Variants in DNAJC7 observed in about 807,000 individuals in gnomAD.
The protein encoded by DNAJC7 is DnaJ heat shock protein family (Hsp40) member C7.
In DNAJC7, 18 loss-of-function variants were observed where a neutral mutation model predicts 67.4. The ratio of observed to expected loss-of-function variants is 0.27; its 90% CI spans 0.18 to 0.40. The LOEUF (loss-of-function observed/expected upper bound fraction) is 0.40. Among genes scored for constraint, DNAJC7 ranks in the 10% least tolerant of loss-of-function variants. DNAJC7 has a pLI of 1.00. For missense variants in DNAJC7, 419 were observed against 613.8 expected, an observed-to-expected ratio of 0.68 and a Z score of 3.35; for synonymous variants, 220 against 207.8, an observed-to-expected ratio of 1.06 and a Z score of -0.50.
chr17:42,006,796 C>CAAAAA lies in DNAJC7; in HGVS notation c.78-6231_78-6227dup, dbSNP rs57155070. On this transcript the variant is annotated intron_variant, in intron 1 of 13. Transcript: ENST00000457167. Reference sequence around the variant, plus strand: ...TGGGCAACAGAGCAAGACTCCGTCTCAAAAAAAAAAAAAAAAAAAAAAGTC... The same window carrying CAAAAA: ...TGGGCAACAGAGCAAGACTCCGTCTCAAAAAAAAAAAAAAAAAAAAAAAAAAAGTC... Among the ~76,000 whole-genome samples the CAAAAA allele has an allele frequency of 5.1e-4, 12 of 23,334 alleles. 3 individuals carry two copies. The highest frequency in any genetic ancestry group is 3.4e-3 in the South Asian group (1 of 294). The allele number at this position is 23,334 out of a possible 152,430, so 15.3% of individuals were successfully genotyped here.
At position 42,009,783 on chromosome 17, in the gene DNAJC7, T is replaced by G. The variant is rs191944098; in HGVS notation, c.77+7557A>C. On this transcript the variant is annotated intron_variant, in intron 1 of 13. Coordinates refer to ENST00000457167, the MANE Select transcript of DNAJC7 (RefSeq NM_003315.4). ...TTCCATCCCTCGGTTCCCTATTCTG[T>G]GACATCTCCCACTATAGGGACACCA... Among the ~76,000 whole-genome samples the G allele has an allele frequency of 7.2e-4, 109 of 152,330 alleles. No homozygotes were observed. The East Asian group carries it at 0.015, about 21-fold the overall frequency.
chr17:41,999,445 G>T (rs2051748482), intron 2 of DNAJC7, among the ~76,000 whole-genome samples: 1 of 152,206 alleles, frequency 6.6e-6, no homozygotes, highest in South Asian at 2.1e-4. Flanking sequence ...TAAGCCTGAA[G>T]GAGTTCATAC....
chr17:41,997,181 A>C lies in DNAJC7; in HGVS notation c.225T>G (p.Leu75=). 2 of 1,613,992 alleles carry C rather than the reference A, an allele frequency of 1.2e-6. No individual in the cohort carries two copies. The highest frequency in any genetic ancestry group is 2.2e-5 in the South Asian group (2 of 91,086). Residue 75 remains leucine, a synonymous_variant, in exon 3 of 14, where the codon CTT becomes CTG. Coordinates refer to ENST00000457167, the MANE Select transcript of DNAJC7 (RefSeq NM_003315.4). ...CTCCAAGAGCTTCCCGGAACCTTCC[A>C]AGCATCATCAAGGTGGCTGCTCGAT... ...YGNRAATLMM[L]GRFREALGDA...
chr17:42,010,199 C>T (rs1173267289), intron 1 of DNAJC7, among the ~76,000 whole-genome samples: 1 of 149,094 alleles, frequency 6.7e-6, no homozygotes, highest in Non-Finnish European at 1.5e-5. Context: ...AGGCTACTTC[C>T]TAGGCCGGGT....
intron 2 of DNAJC7, among the ~76,000 whole-genome samples, 175 bp downstream of exon 2, chr17:42,000,307 C>T (rs138290008): frequency 1.3e-5 from 2 of 151,436 alleles, no homozygotes; most frequent in South Asian, 2.1e-4. Flanking sequence ...TCAGTAGAGA[C>T]GGGGTTTCGT....
intron 9 of DNAJC7, chr17:41,984,367 G>A (rs560826732): frequency 6.9e-6 from 1 of 145,338 alleles, no homozygotes; most frequent in East Asian, 2.0e-4. Context: ...GCAGTGGTGT[G>A]ATCTCGGATC....
chr17:41,995,356 T>C (rs1465356058), intron 4 of DNAJC7, among the ~76,000 whole-genome samples: 3 of 152,198 alleles, frequency 2.0e-5, no homozygotes, highest in Non-Finnish European at 4.4e-5. Context: ...ATGCTTGATA[T>C]ACATGAAATA....
At chr17:42,006,508 A>G (rs1367444024) in intron 1 of DNAJC7, among the ~76,000 whole-genome samples, 1 of 151,856 alleles carries the variant, frequency 6.6e-6, no homozygotes, top group Non-Finnish European at 1.5e-5. Flanking sequence ...TTTAAAAAAA[A>G]CAAAACCAGG....
chr17:41,978,704 T>A (rs1035545052), intron 12 of DNAJC7, among the ~76,000 whole-genome samples: 23 of 150,912 alleles, frequency 1.5e-4, no homozygotes, highest in South Asian at 4.2e-4. Context: ...CTAAAAAAAA[T>A]AAAAATAAAA....
intron 1 of DNAJC7, among the ~76,000 whole-genome samples, chr17:42,003,950 A>ATTTTTTTTTTTTTT (rs10631965): frequency 1.1e-5 from 1 of 94,326 alleles, no homozygotes; most frequent in Non-Finnish European, 2.0e-5. Context: ...AAGATTTTCA[A>ATTTTTTTTTTTTTT]TTTTTTTTTT....
chr17:42,010,352 C>T lies in DNAJC7; in HGVS notation c.77+6988G>A, dbSNP rs561049143. Among the ~76,000 whole-genome samples, 44 of 151,048 alleles carry T rather than the reference C, an allele frequency of 2.9e-4. 1 individual carries two copies. In the Middle Eastern group the frequency reaches 0.01, roughly 36 times the overall value. On this transcript the variant is annotated intron_variant, in intron 1 of 13. Transcript: ENST00000457167. ...AAAAAAAAATACAAAATTAGCCGGGCGTGGTGGCGCATGCCTGTAATTCCA... is the reference window on the plus strand; with the variant it reads ...AAAAAAAAATACAAAATTAGCCGGGTGTGGTGGCGCATGCCTGTAATTCCA...
At chr17:42,012,039 C>G (rs1338485411) in intron 1 of DNAJC7, among the ~76,000 whole-genome samples, 4 of 152,222 alleles carry the variant, frequency 2.6e-5, no homozygotes, top group African/African-American at 9.7e-5. Context: ...TTGTGCCCAT[C>G]AGGAAAACAT....
In DNAJC7 at chr17:41,990,273, G is replaced by C. The variant is rs1555647529; in HGVS notation, c.590C>G (p.Ser197Cys). 2 of 1,608,676 alleles carry C rather than the reference G, an allele frequency of 1.2e-6. No homozygotes were observed. Among genetic ancestry groups the C allele is most frequent in the African/African-American group, 1.3e-5 (1 of 74,986 alleles). Residue 197 changes from serine (S) to cysteine (C), a missense_variant, in exon 6 of 14, where the codon TCT becomes TGT. This residue lies in a region of DNAJC7 where 179 missense variants were observed against 249.7 expected (regional missense o/e 0.72). Coordinates refer to ENST00000457167, the MANE Select transcript of DNAJC7 (RefSeq NM_003315.4). ...AMLGRYPEAQ[S>C]VASDILRMDS... ...TAGCCTGACTGCATACCTAGCCACAGACTGTGCTTCTGGATAACGACCCAG... is the reference window on the plus strand; with the variant it reads ...TAGCCTGACTGCATACCTAGCCACACACTGTGCTTCTGGATAACGACCCAG...
At position 42,017,377 on chromosome 17, in the gene DNAJC7, TCGC is replaced by T. The variant is rs1555652135; in HGVS notation, c.37_39del (p.Ala13del). The T allele has an allele frequency of 6.2e-7, 1 of 1,610,266 alleles. No homozygotes were observed. Among genetic ancestry groups the T allele is most frequent in the Non-Finnish European group, 8.5e-7 (1 of 1,179,856 alleles). ...TGGTCGTCGAGCAGCTCCGGCTCGG[TCGC>T]CGCCATTACCACATCGCACTCCGCG... On this transcript the variant is annotated inframe_deletion, in exon 1 of 14. Transcript: ENST00000457167.
Position 41,997,098 on chromosome 17 carries a change from C to T in DNAJC7, c.291+17G>A, listed in dbSNP as rs1287628283. ...TAGCAACCCAGCCTTCCCCAAACAG[C>T]CCCATTACATACATACCCGGACAAA... On this transcript the variant is annotated intron_variant, in intron 3 of 13. Transcript: ENST00000457167. 4 of 1,613,654 alleles carry T rather than the reference C, an allele frequency of 2.5e-6. No homozygotes were observed. In the African/African-American group the frequency reaches 5.3e-5, roughly 22 times the overall value.
At chr17:41,993,212 C>T (rs1162213272) in intron 5 of DNAJC7, among the ~76,000 whole-genome samples, 2 of 152,206 alleles carry the variant, frequency 1.3e-5, no homozygotes, top group Non-Finnish European at 2.9e-5. Context: ...GTAATCCCAG[C>T]ACTTTGGGAG....
At chr17:42,008,584 G>A (rs1186707714) in intron 1 of DNAJC7, among the ~76,000 whole-genome samples, 2 of 151,446 alleles carry the variant, frequency 1.3e-5, no homozygotes, top group Non-Finnish European at 2.9e-5. Context: ...TAATTTTTTT[G>A]TATTTTTAGT....
At chr17:41,997,069 A>T in intron 3 of DNAJC7, 46 bp downstream of exon 3, 2 of 1,612,274 alleles carry the variant, frequency 1.2e-6, no homozygotes, top group Non-Finnish European at 1.7e-6. Context: ...GAGAAACTCA[A>T]CTGTAGCAAC....
intron 1 of DNAJC7, chr17:42,016,998 G>A: frequency 3.1e-6 from 4 of 1,274,252 alleles, no homozygotes; most frequent in Non-Finnish European, 4.0e-6. Context: ...GGTCGGGGGC[G>A]ATGTAAGGAA....
Sources: gnomAD v4.1 joint callset for allele counts (sites outside exome capture counted in the v4.1 genomes callset) on GRCh38, gnomAD v4.1.1 for gene constraint, gnomAD v4.1.1 regional missense constraint, MANE v1.5 for transcripts, NCBI Gene and HGNC (gene_info 2026-07-23, HGNC 2026-07-21) for gene names.